SPAG16: variants seen among roughly 807,000 people sequenced by gnomAD.
SPAG16 encodes sperm-associated antigen 16 protein.
SPAG16 carries 86 observed loss-of-function variants against 80.4 expected under a neutral mutation model. The observed-to-expected ratio is 1.07, with a 90% CI of 0.90 to 1.28. The LOEUF (loss-of-function observed/expected upper bound fraction) is 1.28. Ranked by LOEUF, SPAG16 falls within the 50% of genes most tolerant of loss-of-function variation. The pLI, the probability that SPAG16 is intolerant of heterozygous loss-of-function variation, is 0.00. For missense variants in SPAG16, 870 were observed against 765.3 expected (o/e 1.14, Z -1.61); for synonymous variants, 294 against 265.9 (o/e 1.11, Z -1.03).
At position 213,654,404 on chromosome 2, in the gene SPAG16, G is replaced by A. The variant is rs184299668; in HGVS notation, c.1070+164314G>A. ...TTGTTTTAATGTTAGCATATTAGAA[G>A]TTGCAATGTGGCTGGGTGCAAGTGG... On this transcript the variant is annotated intron_variant, in intron 10 of 15. Coordinates refer to ENST00000331683, the MANE Select transcript of SPAG16 (RefSeq NM_024532.5). 6.6e-5 allele frequency among the ~76,000 whole-genome samples: 10 copies of A among 151,908 alleles called. 1 individual carries two copies. The highest frequency in any genetic ancestry group is 2.4e-4 in the African/African-American group (10 of 41,452).
intron 10 of SPAG16, among the ~76,000 whole-genome samples, chr2:213,554,277 A>G (rs2059355327): frequency 6.6e-6 from 1 of 152,186 alleles, no homozygotes; most frequent in Non-Finnish European, 1.5e-5. Context: ...GACCTCAGTT[A>G]CCACAGCAGC....
chr2:213,908,439 G>A (rs887417560), intron 11 of SPAG16, among the ~76,000 whole-genome samples: 6 of 152,122 alleles, frequency 3.9e-5, no homozygotes, highest in Admixed American at 1.3e-4. Context: ...CTTGGCCATC[G>A]TGCAAATATT....
At chr2:214,343,186 G>T (rs761324471) in intron 15 of SPAG16, among the ~76,000 whole-genome samples, 1 of 152,094 alleles carries the variant, frequency 6.6e-6, no homozygotes, top group Non-Finnish European at 1.5e-5. Context: ...AGAAGAGGAT[G>T]TTGTAAGAAA....
At chr2:213,696,850 T>G (rs558494199) in intron 10 of SPAG16, among the ~76,000 whole-genome samples, 1 of 152,212 alleles carries the variant, frequency 6.6e-6, no homozygotes, top group African/African-American at 2.4e-5. Flanking sequence ...TCTTGTAAGT[T>G]TTATCATGAA....
At chr2:213,555,950 G>A (rs2059410460) in intron 10 of SPAG16, among the ~76,000 whole-genome samples, 1 of 152,010 alleles carries the variant, frequency 6.6e-6, no homozygotes. Context: ...AACATAAAAT[G>A]GGGGGTGGAA....
At chr2:214,117,664 A>T (rs1275588897) in intron 14 of SPAG16, among the ~76,000 whole-genome samples, 1 of 152,218 alleles carries the variant, frequency 6.6e-6, no homozygotes, top group Non-Finnish European at 1.5e-5. Flanking sequence ...AGCATCATCA[A>T]ATGAGATTTA....
chr2:213,975,506 C>T (rs1421356552), intron 12 of SPAG16, among the ~76,000 whole-genome samples: 1 of 151,392 alleles, frequency 6.6e-6, no homozygotes, highest in Non-Finnish European at 1.5e-5. Flanking sequence ...TATTACATTC[C>T]AAACTGCAAA....
At chr2:213,664,123 C>T (rs1366236452) in intron 10 of SPAG16, among the ~76,000 whole-genome samples, 1 of 152,018 alleles carries the variant, frequency 6.6e-6, no homozygotes, top group Non-Finnish European at 1.5e-5. Flanking sequence ...TAGTCCCTGT[C>T]ATATTGCCTT....
At chr2:213,974,070 G>C (rs1277017784) in intron 12 of SPAG16, among the ~76,000 whole-genome samples, 1 of 152,080 alleles carries the variant, frequency 6.6e-6, no homozygotes, top group African/African-American at 2.4e-5. Context: ...TTTATAGTTA[G>C]TGATAATAGG....
intron 10 of SPAG16, among the ~76,000 whole-genome samples, chr2:213,797,418 C>A (rs1310208609): frequency 6.6e-6 from 1 of 152,104 alleles, no homozygotes; most frequent in African/African-American, 2.4e-5. Flanking sequence ...TCATTTTTAT[C>A]TTTATGCTGG....
intron 10 of SPAG16, among the ~76,000 whole-genome samples, chr2:213,767,982 A>G (rs1162527961): frequency 2.0e-5 from 3 of 152,182 alleles, no homozygotes; most frequent in Non-Finnish European, 2.9e-5. Context: ...CAGTGTGTCA[A>G]AGTGCTGCAC....
intron 10 of SPAG16, among the ~76,000 whole-genome samples, chr2:213,521,268 G>A (rs377019122): frequency 4.6e-5 from 7 of 152,164 alleles, no homozygotes; most frequent in South Asian, 2.1e-4. Context: ...CTGATTTGGG[G>A]TGACTTCTCA....
chr2:213,545,993 T>C (rs1365819877), intron 10 of SPAG16, among the ~76,000 whole-genome samples: 1 of 152,086 alleles, frequency 6.6e-6, no homozygotes, highest in Non-Finnish European at 1.5e-5. Flanking sequence ...TAGAATGTCA[T>C]TTTCTCTTTT....
At chr2:213,867,926 CAAAAAAAAA>C (rs35795865) in intron 11 of SPAG16, among the ~76,000 whole-genome samples, 1 of 45,884 alleles carries the variant, frequency 2.2e-5, no homozygotes, top group African/African-American at 6.8e-5. Flanking sequence ...TCTGTCTCAA[CAAAAAAAAA>C]AAAAAAAAAA....
chr2:214,160,996 T>C (rs566511508), intron 15 of SPAG16, among the ~76,000 whole-genome samples: 58 of 152,176 alleles, frequency 3.8e-4, no homozygotes, highest in African/African-American at 1.2e-3. Context: ...AATTGAAATA[T>C]TTAGATTATA....
At chr2:213,676,739 GATC>G (rs1212977596) in intron 10 of SPAG16, among the ~76,000 whole-genome samples, 1 of 150,802 alleles carries the variant, frequency 6.6e-6, no homozygotes, top group Non-Finnish European at 1.5e-5. Context: ...AAGCCCACTT[GATC>G]ATGGTGGATA....
intron 12 of SPAG16, among the ~76,000 whole-genome samples, chr2:213,956,314 T>A (rs1019938374): frequency 6.6e-6 from 1 of 152,110 alleles, no homozygotes; most frequent in Non-Finnish European, 1.5e-5. Flanking sequence ...TGCTCTCATC[T>A]GTATTATTTC....
intron 14 of SPAG16, among the ~76,000 whole-genome samples, chr2:214,138,891 C>T (rs2055201563): frequency 6.6e-6 from 1 of 152,000 alleles, no homozygotes; most frequent in South Asian, 2.1e-4. Flanking sequence ...ATGAGGACAC[C>T]AGCTACAGTG....
chr2:214,203,262 A>G (rs1047597764), intron 15 of SPAG16, among the ~76,000 whole-genome samples: 3 of 152,136 alleles, frequency 2.0e-5, no homozygotes, highest in East Asian at 1.9e-4. Context: ...TGGTTCTGGT[A>G]TATTTCTAAG....
Sources: allele counts gnomAD v4.1 joint callset (sites outside exome capture counted in the v4.1 genomes callset), GRCh38; gene constraint gnomAD v4.1.1; transcripts MANE v1.5; gene names NCBI Gene and HGNC (gene_info 2026-07-23, HGNC 2026-07-21).